Variants in CKAP5 observed in about 807,000 individuals in gnomAD.
CKAP5 encodes the protein cytoskeleton associated protein 5.
A neutral mutation model predicts 232.8 loss-of-function variants in CKAP5; 27 were observed. The ratio of observed to expected loss-of-function variants is 0.12; its 90% CI spans 0.09 to 0.16. CKAP5 has a LOEUF of 0.16. Among genes scored for constraint, CKAP5 ranks in the 10% least tolerant of loss-of-function variants. The pLI is 1.00. For missense variants in CKAP5, 1,838 were observed against 2,424.7 expected, an observed-to-expected ratio of 0.76 and a Z score of 5.08; for synonymous variants, 785 against 841.1, an observed-to-expected ratio of 0.93 and a Z score of 1.16.
At chr11:46,834,200 T>C (rs935888822) in intron 1 of CKAP5, among the ~76,000 whole-genome samples, 1 of 152,076 alleles carries the variant, frequency 6.6e-6, no homozygotes, top group Non-Finnish European at 1.5e-5. Context: ...TAAACAAACC[T>C]ATATTTCAGT....
At position 46,762,200 on chromosome 11, in the gene CKAP5, G is replaced by T. The variant is rs1246884296; in HGVS notation, c.4028-7C>A. 1 of 1,612,320 alleles carries T rather than the reference G, an allele frequency of 6.2e-7. No homozygotes were observed. The highest frequency in any genetic ancestry group is 8.5e-7 in the Non-Finnish European group (1 of 1,179,130). On this transcript the variant is annotated splice_polypyrimidine_tract_variant and splice_region_variant and intron_variant, in intron 31 of 43. Coordinates refer to ENST00000529230, the MANE Select transcript of CKAP5 (RefSeq NM_001008938.4). ...CCCAGCTCTTCCAGGCACTCTGATG[G>T]GGGAGAAAGGCTAGATTAATGAGAC...
intron 1 of CKAP5, among the ~76,000 whole-genome samples, chr11:46,838,793 CAAAAAAA>C (rs71042626): frequency 8.3e-4 from 38 of 45,926 alleles, no homozygotes; most frequent in African/African-American, 4.6e-3. Flanking sequence ...GACCCCATCT[CAAAAAAA>C]AAAAAAAAAA....
intron 42 of CKAP5, among the ~76,000 whole-genome samples, chr11:46,748,715 G>A (rs1163721521): frequency 1.3e-5 from 2 of 152,080 alleles, no homozygotes; most frequent in Non-Finnish European, 2.9e-5. Context: ...GTTGCAGTGA[G>A]CCAAGATCGC....
intron 29 of CKAP5, 82 bp downstream of exon 29, chr11:46,763,399 C>A: frequency 1.6e-6 from 2 of 1,289,114 alleles, no homozygotes; most frequent in South Asian, 1.4e-5. Flanking sequence ...ACTTCCAAGT[C>A]ATGCAAACTT....
At chr11:46,815,143 C>G (rs1939367506) in intron 4 of CKAP5, among the ~76,000 whole-genome samples, 1 of 151,756 alleles carries the variant, frequency 6.6e-6, no homozygotes, top group Non-Finnish European at 1.5e-5. Context: ...CTCTGCCTTC[C>G]AGGTTCAAGC....
At chr11:46,785,421 G>A (rs1206069689) in intron 16 of CKAP5, among the ~76,000 whole-genome samples, 1 of 152,150 alleles carries the variant, frequency 6.6e-6, no homozygotes. Context: ...TGCCTCCTGG[G>A]TTCAAGCGAT....
intron 18 of CKAP5, 27 bp downstream of exon 18, chr11:46,783,247 T>C: frequency 7.7e-7 from 1 of 1,306,926 alleles, no homozygotes; most frequent in Non-Finnish European, 1.1e-6. Flanking sequence ...ATTTAACTAT[T>C]TTCCACTTGA....
intron 13 of CKAP5, 63 bp downstream of exon 13, chr11:46,795,531 C>G (rs1938850724): frequency 1.5e-6 from 2 of 1,364,568 alleles, no homozygotes; most frequent in African/African-American, 2.9e-5. Context: ...TTTAGAGGAA[C>G]AACCACGAAC....
intron 1 of CKAP5, among the ~76,000 whole-genome samples, chr11:46,842,617 T>C (rs1442824846): frequency 1.3e-5 from 2 of 152,150 alleles, no homozygotes; most frequent in African/African-American, 4.8e-5. Context: ...AAGAGAATGG[T>C]GAGACAGAGG....
At chr11:46,845,249 A>T (rs1478515245) in intron 1 of CKAP5, among the ~76,000 whole-genome samples, 1 of 152,188 alleles carries the variant, frequency 6.6e-6, no homozygotes, top group East Asian at 1.9e-4. Flanking sequence ...AATTATGCAT[A>T]AGACAGGCAG....
chr11:46,816,158 G>T (rs903211845), intron 4 of CKAP5, 40 bp downstream of exon 4: 4 of 1,535,162 alleles, frequency 2.6e-6, no homozygotes, highest in South Asian at 1.1e-5. Flanking sequence ...AAAGGTTGGG[G>T]ACTGCTGCTC....
Position 46,779,965 on chromosome 11 carries a change from G to C in CKAP5, c.2433+229C>G, listed in dbSNP as rs534154683. Among the ~76,000 whole-genome samples, 3 of 152,146 alleles carry C rather than the reference G, an allele frequency of 2.0e-5. No homozygotes were observed. In the South Asian group the frequency reaches 6.2e-4, roughly 32 times the overall value. The stretch of plus-strand genomic sequence containing the variant: ...TCTGGGCCAGTTTACCTCTCCTTGG[G>C]CAACTGGTGGTCTCAGCTCCTGGGA... On this transcript the variant is annotated intron_variant, in intron 20 of 43. Coordinates refer to ENST00000529230, the MANE Select transcript of CKAP5 (RefSeq NM_001008938.4).
intron 13 of CKAP5, among the ~76,000 whole-genome samples, 173 bp from the exon 14 acceptor site, chr11:46,790,756 C>G (rs1485457991): frequency 6.6e-6 from 1 of 152,028 alleles, no homozygotes; most frequent in South Asian, 2.1e-4. Flanking sequence ...GATCTTCCTT[C>G]CCACCTCAGC....
At chr11:46,778,901 C>G (rs2065314664) in intron 20 of CKAP5, among the ~76,000 whole-genome samples, 3 of 152,106 alleles carry the variant, frequency 2.0e-5, no homozygotes, top group Admixed American at 2.0e-4. Flanking sequence ...ACGGTGAAAC[C>G]TCGTCTATAC....
chr11:46,818,713 G>C (rs1160633077), intron 2 of CKAP5, among the ~76,000 whole-genome samples: 2 of 152,102 alleles, frequency 1.3e-5, no homozygotes, highest in Non-Finnish European at 2.9e-5. Flanking sequence ...CAAGTGTTTA[G>C]TGTTTATGAT....
intron 23 of CKAP5, 51 bp from the exon 24 acceptor site, chr11:46,776,434 T>C (rs773146414): frequency 5.6e-5 from 85 of 1,508,728 alleles, no homozygotes; most frequent in Non-Finnish European, 7.3e-5. Context: ...AGTTTGGAGG[T>C]AGGGGGTGAT....
chr11:46,745,554 C>T (rs2065016247), intron 42 of CKAP5, among the ~76,000 whole-genome samples: 1 of 152,184 alleles, frequency 6.6e-6, no homozygotes, highest in Non-Finnish European at 1.5e-5. Context: ...GATGCCTGCC[C>T]TGATCAAACC....
intron 13 of CKAP5, among the ~76,000 whole-genome samples, chr11:46,793,882 G>C (rs891979670): frequency 6.6e-6 from 1 of 151,972 alleles, no homozygotes; most frequent in African/African-American, 2.4e-5. Context: ...AGCCGAGATT[G>C]TGCCACTGCA....
In CKAP5 at chr11:46,778,322, C is replaced by T. The variant is rs530634214; in HGVS notation, c.2574-9G>A. On this transcript the variant is annotated splice_polypyrimidine_tract_variant and intron_variant, in intron 21 of 43. Coordinates refer to ENST00000529230, the MANE Select transcript of CKAP5 (RefSeq NM_001008938.4). ...CTGAAGTGATTTTATCACTGAAAAACAGAAAATAACCTTTAATTCCAGACT... is the reference window on the plus strand; with the variant it reads ...CTGAAGTGATTTTATCACTGAAAAATAGAAAATAACCTTTAATTCCAGACT... The T allele has an allele frequency of 6.5e-5, 105 of 1,610,160 alleles. No homozygotes were observed. The highest frequency in any genetic ancestry group is 8.1e-5 in the Non-Finnish European group (96 of 1,178,248).
Sources: allele counts gnomAD v4.1 joint callset (sites outside exome capture counted in the v4.1 genomes callset), GRCh38; gene constraint gnomAD v4.1.1; transcripts MANE v1.5; gene names NCBI Gene and HGNC (gene_info 2026-07-23, HGNC 2026-07-21).